Variants in BLK observed in about 807,000 individuals in gnomAD.
The protein encoded by BLK is tyrosine-protein kinase Blk.
BLK carries 64 observed loss-of-function variants against 61.8 expected under a neutral mutation model. That is an observed-to-expected ratio of 1.03 (90% CI 0.85 to 1.27). The LOEUF (loss-of-function observed/expected upper bound fraction) is 1.27. BLK is among the 50% of genes most tolerant of loss of function. The pLI, the probability that BLK is intolerant of heterozygous loss-of-function variation, is 0.00. For missense variants in BLK, 853 were observed against 660.5 expected (o/e 1.29, Z -3.19); for synonymous variants, 351 against 272.0 (o/e 1.29, Z -2.86).
intron 1 of BLK, among the ~76,000 whole-genome samples, chr8:11,524,321 C>T (rs573682363): frequency 3.6e-4 from 55 of 152,128 alleles, no homozygotes; most frequent in Non-Finnish European, 6.6e-4. Context: ...ACATTCACAA[C>T]GATTTTCCAT....
intron 1 of BLK, among the ~76,000 whole-genome samples, chr8:11,502,943 C>A (rs186326478): frequency 8.5e-5 from 13 of 152,332 alleles, no homozygotes; most frequent in Non-Finnish European, 1.2e-4. Flanking sequence ...CAGCTGCTGC[C>A]AGCCACTGTG....
intron 10 of BLK, 75 bp from the exon 11 acceptor site, chr8:11,561,227 C>A: frequency 6.4e-7 from 1 of 1,556,774 alleles, no homozygotes; most frequent in Non-Finnish European, 8.7e-7. Flanking sequence ...AGGGGCTGTG[C>A]GGGGGACACA....
At position 11,564,235 on chromosome 8, in the gene BLK, GC is replaced by G; in HGVS notation, c.*128del. On this transcript the variant is annotated 3_prime_UTR_variant, in exon 13 of 13. Coordinates refer to ENST00000259089, the MANE Select transcript of BLK (RefSeq NM_001715.3). ...TTTTCTCAGACCCGGAATCCAGTGG[GC>G]AGAGGCAGCTTCGCAGGGGGTCCCC... is the stretch of plus-strand genomic sequence containing the variant. 1 of 1,170,582 alleles carries G rather than the reference GC, an allele frequency of 8.5e-7. No individual in the cohort carries two copies. The highest frequency in any genetic ancestry group is 2.1e-4 in the Middle Eastern group (1 of 4,712). The allele number at this position is 1,170,582 out of a possible 1,614,324, so 72.5% of individuals were successfully genotyped here. A position where few individuals can be genotyped will look rare whatever the true frequency, so the allele number is the denominator to read the frequency against.
chr8:11,502,299 T>C (rs1348635890), intron 1 of BLK, among the ~76,000 whole-genome samples: 1 of 152,134 alleles, frequency 6.6e-6, no homozygotes, highest in African/African-American at 2.4e-5. Flanking sequence ...TTTTTTCTTT[T>C]TCTTTCTTTT....
intron 1 of BLK, among the ~76,000 whole-genome samples, chr8:11,507,486 T>C (rs1447917086): frequency 6.6e-6 from 1 of 152,208 alleles, no homozygotes; most frequent in South Asian, 2.1e-4. Context: ...CCACCCACCC[T>C]GAGGGCTTTT....
Position 11,510,138 on chromosome 8 carries a change from G to A in BLK, c.-2+15547G>A, listed in dbSNP as rs143298728. Among the ~76,000 whole-genome samples, 97 of 152,264 alleles carry A rather than the reference G, an allele frequency of 6.4e-4. No individual in the cohort carries two copies. The East Asian group carries it at 0.012, about 18-fold the overall frequency. On this transcript the variant is annotated intron_variant, in intron 1 of 12. Coordinates refer to ENST00000259089, the MANE Select transcript of BLK (RefSeq NM_001715.3). ...TTGCAAAGTCATTCTGAATTACATC[G>A]TGGAGCTGGAGAGTGTTCTTTCCTA...
chr8:11,556,602 C>A, intron 8 of BLK, 56 bp from the exon 9 acceptor site: 9 of 1,610,770 alleles, frequency 5.6e-6, no homozygotes, highest in Non-Finnish European at 7.6e-6. Context: ...GTTAAGGGAT[C>A]ACCTCCGAGC....
chr8:11,495,078 G>A (rs1231138068), intron 1 of BLK, among the ~76,000 whole-genome samples: 1 of 152,204 alleles, frequency 6.6e-6, no homozygotes, highest in Admixed American at 6.5e-5. Context: ...CCATTTTTCA[G>A]GCATTCAGGA....
chr8:11,561,410 G>A lies in BLK; in HGVS notation c.1138G>A (p.Gly380Ser). Residue 380 changes from glycine (G) to serine (S), a missense_variant, in exon 11 of 13, where the codon GGC (glycine) becomes AGC (serine). Gly to Ser is a moderately conservative substitution (Grantham distance 56). Coordinates refer to ENST00000259089, the MANE Select transcript of BLK (RefSeq NM_001715.3). ...CTTGTGCTGCAAAATTGCTGATTTT[G>A]GCTTGGCTCGAATCATCGACAGTGA... ...EALCCKIADF[G>S]LARIIDSEYT... 1 of 1,614,140 alleles carries A rather than the reference G, an allele frequency of 6.2e-7. No homozygotes were observed. The highest frequency in any genetic ancestry group is 1.6e-4 in the Middle Eastern group (1 of 6,062).
At chr8:11,556,421 C>T in intron 8 of BLK, 1 of 569,274 alleles carries the variant, frequency 1.8e-6, no homozygotes, top group Non-Finnish European at 3.2e-6. Flanking sequence ...GGGTGTGGGG[C>T]AAATAGGTGA....
At chr8:11,515,477 C>G (rs985807660) in intron 1 of BLK, among the ~76,000 whole-genome samples, 1 of 152,134 alleles carries the variant, frequency 6.6e-6, no homozygotes, top group Non-Finnish European at 1.5e-5. Flanking sequence ...AGCCGGCGCA[C>G]AGGGGTCCTC....
chr8:11,551,443 C>T (rs1257598481), intron 6 of BLK, among the ~76,000 whole-genome samples: 1 of 152,210 alleles, frequency 6.6e-6, no homozygotes. Context: ...TTAGGGCCCA[C>T]CCATATGACC....
Position 11,557,960 on chromosome 8 carries a change from AGGATGCCTGCT to A in BLK, c.956_966del (p.Cys319PhefsTer6). The A allele has an allele frequency of 6.2e-7, 1 of 1,613,758 alleles. No homozygotes were observed. Among genetic ancestry groups the A allele is most frequent in the Non-Finnish European group, 8.5e-7 (1 of 1,179,768 alleles). On this transcript the variant is annotated splice_acceptor_variant and coding_sequence_variant, in exon 10 of 13. Coordinates refer to ENST00000259089, the MANE Select transcript of BLK (RefSeq NM_001715.3). LOFTEE classifies it high-confidence loss of function. ...GGGCACTTGCAACTTCTCTTTTCTTAGGATGCCTGCTGGATTTCCTGAAGACAGATGAAGGG... is the reference window on the plus strand; with the variant it reads ...GGGCACTTGCAACTTCTCTTTTCTTAGGATTTCCTGAAGACAGATGAAGGG...
At chr8:11,562,506 C>T (rs937744096) in intron 11 of BLK, among the ~76,000 whole-genome samples, 13 of 152,172 alleles carry the variant, frequency 8.5e-5, no homozygotes, top group African/African-American at 2.9e-4. Context: ...CTTCACAGGG[C>T]AGCCGGATGT....
intron 1 of BLK, among the ~76,000 whole-genome samples, chr8:11,541,355 C>T (rs752370755): frequency 4.6e-5 from 7 of 152,106 alleles, no homozygotes; most frequent in Non-Finnish European, 8.8e-5. Context: ...CAGGAATGTA[C>T]AGATGTTTCA....
intron 1 of BLK, among the ~76,000 whole-genome samples, chr8:11,539,081 T>TG (rs1335367109): frequency 6.6e-6 from 1 of 152,136 alleles, no homozygotes; most frequent in African/African-American, 2.4e-5. Context: ...GCTGGTTTTT[T>TG]TTTTGTTTTG....
chr8:11,538,263 T>A (rs117945317), intron 1 of BLK, among the ~76,000 whole-genome samples: 1,672 of 152,260 alleles, frequency 0.011, 16 homozygotes, highest in Non-Finnish European at 0.019. Context: ...CCCCAGCCAG[T>A]GTGTGATGCG....
chr8:11,549,055 G>T lies in BLK; in HGVS notation c.301G>T (p.Val101Phe). Reference sequence around the variant, plus strand: ...AGACTGGTGGCTGGCCAGGTCACTCGTCACAGGAAGAGAAGGCTATGTGCC... The same window carrying T: ...AGACTGGTGGCTGGCCAGGTCACTCTTCACAGGAAGAGAAGGCTATGTGCC... ...TGDWWLARSLVTGREGYVPSN... is the reference protein window; with the variant it reads ...TGDWWLARSLFTGREGYVPSN... Residue 101 changes from valine to phenylalanine, a missense_variant, in exon 5 of 13, where the codon GTC (valine) becomes TTC (phenylalanine). Physicochemically the swap from Val to Phe is conservative, Grantham distance 50. Coordinates refer to ENST00000259089, the MANE Select transcript of BLK (RefSeq NM_001715.3). 1.2e-6 allele frequency: 2 copies of T among 1,611,182 alleles called. No homozygotes were observed. Among genetic ancestry groups the T allele is most frequent in the Non-Finnish European group, 1.7e-6 (2 of 1,178,974 alleles).
intron 1 of BLK, among the ~76,000 whole-genome samples, chr8:11,537,971 C>G (rs1329915951): frequency 6.6e-6 from 1 of 152,088 alleles, no homozygotes; most frequent in Non-Finnish European, 1.5e-5. Context: ...AACAACTCCC[C>G]TTTCCCACTT....
Sources: allele counts gnomAD v4.1 joint callset (sites outside exome capture counted in the v4.1 genomes callset), GRCh38; gene constraint gnomAD v4.1.1; transcripts MANE v1.5; gene names NCBI Gene and HGNC (gene_info 2026-07-23, HGNC 2026-07-21).